Variants in MEIOC observed in about 807,000 individuals in gnomAD.
MEIOC encodes meiosis specific with coiled-coil domain, also known as meiosis-specific coiled-coil domain-containing protein MEIOC.
A neutral mutation model predicts 85.3 loss-of-function variants in MEIOC; 9 were observed. That is an observed-to-expected ratio of 0.11 (90% CI 0.06 to 0.18). MEIOC has a LOEUF of 0.18. MEIOC is among the 10% of genes least tolerant of loss of function. MEIOC has a pLI of 1.00. For missense variants in MEIOC, 898 were observed against 1,129.4 expected, an observed-to-expected ratio of 0.80 and a Z score of 2.94; for synonymous variants, 365 against 393.7, an observed-to-expected ratio of 0.93 and a Z score of 0.86.
At position 44,674,721 on chromosome 17, in the gene MEIOC, A is replaced by G; in HGVS notation, c.*525A>G. The G allele has an allele frequency of 1.0e-6, 1 of 981,342 alleles. No homozygotes were observed. The highest frequency in any genetic ancestry group is 1.1e-4 in the East Asian group (1 of 8,830). 60.8% of individuals were successfully genotyped at this position (981,342 alleles called of 1,614,324 possible). A position where few individuals can be genotyped will look rare whatever the true frequency, so the allele number is the denominator to read the frequency against. The stretch of plus-strand genomic sequence containing the variant: ...GGATAAACCCAATATTCATGTACAA[A>G]CTTAATATTTAAAATACTATACTAC... On this transcript the variant is annotated 3_prime_UTR_variant, in exon 8 of 8. Coordinates refer to ENST00000409122, the MANE Select transcript of MEIOC (RefSeq NM_001145080.3).
rs764075829 is a variant in MEIOC at position 44,667,207 on chromosome 17, T to A, written c.1296T>A (p.Ala432=). The change falls in exon 5 of 8, where the codon GCT becomes GCA. Residue 432 remains alanine (A), a synonymous_variant. Transcript: ENST00000409122. ...TAAAACCTCACACAGCTTGTCCCGC[T>A]AATGATTTTGCTAACGTCACAGAAA... The part of the protein sequence containing the change: ...YGLKPHTACP[A]NDFANVTEKQ... 8 of 1,613,808 alleles carry A rather than the reference T, an allele frequency of 5.0e-6. No individual in the cohort carries two copies. The Admixed American group carries it at 1.3e-4, about 27-fold the overall frequency.
At chr17:44,676,422 T>A (rs1972075407), downstream of MEIOC, among the ~76,000 whole-genome samples, 1 of 152,182 alleles carries the variant, frequency 6.6e-6, no homozygotes, top group African/African-American at 2.4e-5. Context: ...CCTTCTCACT[T>A]GAATAATCTG....
At position 44,656,654 on chromosome 17, in the gene MEIOC, C is replaced by T; in HGVS notation, c.41C>T (p.Pro14Leu). 2 of 1,492,002 alleles carry T rather than the reference C, an allele frequency of 1.3e-6. No homozygotes were observed. Among genetic ancestry groups the T allele is most frequent in the Non-Finnish European group, 1.8e-6 (2 of 1,120,752 alleles). 92.4% of individuals were successfully genotyped at this position (1,492,002 alleles called of 1,614,324 possible). Residue 14 changes from proline to leucine, a missense_variant, in exon 1 of 8, where the codon CCC becomes CTC. Pro to Leu is a moderately conservative substitution (Grantham distance 98). Coordinates refer to ENST00000409122, the MANE Select transcript of MEIOC (RefSeq NM_001145080.3). Reference protein sequence around the residue: ...RRGDTCPRPHPSGLREEGLEP... With the variant: ...RRGDTCPRPHLSGLREEGLEP... ...GGAGACACCTGCCCGCGCCCTCACC[C>T]CTCAGGCCTGAGGGAGGAAGGACTT...
Position 44,657,216 on chromosome 17 carries a change from G to T in MEIOC, c.159G>T (p.Val53=), listed in dbSNP as rs896268901. The T allele has an allele frequency of 6.4e-7, 1 of 1,552,092 alleles. No individual in the cohort carries two copies. Among genetic ancestry groups the T allele is most frequent in the Middle Eastern group, 1.7e-4 (1 of 5,994 alleles). ...GSRLTDVFGS[V]MLTGSASFYD... ...GGTTAACCGACGTCTTCGGCAGCGT[G>T]ATGTTGACTGGCTCCGCTTCCTTCT... is the stretch of plus-strand genomic sequence containing the variant. Residue 53 remains valine (V), a synonymous_variant, in exon 2 of 8, where the codon GTG becomes GTT. Transcript: ENST00000409122.
intron 2 of MEIOC, among the ~76,000 whole-genome samples, chr17:44,658,684 A>G (rs1283047909): frequency 6.6e-6 from 1 of 151,082 alleles, no homozygotes; most frequent in Non-Finnish European, 1.5e-5. Flanking sequence ...AATCCCAGCT[A>G]CTTGGGAGAC....
At chr17:44,673,129 T>C (rs1023612382) in intron 6 of MEIOC, 5 of 396,688 alleles carry the variant, frequency 1.3e-5, no homozygotes, top group Admixed American at 4.3e-5. Context: ...AACATTTTCA[T>C]TGATGCTTAT....
At position 44,665,369 on chromosome 17, in the gene MEIOC, T is replaced by A. The variant is rs1971890623; in HGVS notation, c.360-15T>A. On this transcript the variant is annotated splice_polypyrimidine_tract_variant and intron_variant, in intron 3 of 7. Transcript: ENST00000409122. The stretch of plus-strand genomic sequence containing the variant: ...TCAATATATTGTATTTCAGCACGAA[T>A]TCATTTATTTTTAGGATTCAAACAG... 4 of 1,489,674 alleles carry A rather than the reference T, an allele frequency of 2.7e-6. No homozygotes were observed. The highest frequency in any genetic ancestry group is 1.3e-5 in the South Asian group (1 of 78,808). 92.3% of individuals were successfully genotyped at this position (1,489,674 alleles called of 1,614,324 possible).
chr17:44,675,226 A>G lies in MEIOC; in HGVS notation c.*1030A>G, dbSNP rs1972059823. On this transcript the variant is annotated 3_prime_UTR_variant, in exon 8 of 8. Coordinates refer to ENST00000409122, the MANE Select transcript of MEIOC (RefSeq NM_001145080.3). The stretch of plus-strand genomic sequence containing the variant: ...AGTTTAGCTTGCAATTGGTTAGCCT[A>G]TATTTTGCGTAGTTGTGTTCATTAG... The G allele has an allele frequency of 3.0e-6, 3 of 985,062 alleles. No homozygotes were observed. Among genetic ancestry groups the G allele is most frequent in the Admixed American group, 6.2e-5 (1 of 16,254 alleles). The allele number at this position is 985,062 out of a possible 1,614,324, so 61.0% of individuals were successfully genotyped here. A position where few individuals can be genotyped will look rare whatever the true frequency, so the allele number is the denominator to read the frequency against.
intron 1 of MEIOC, 130 bp from the exon 2 acceptor site, chr17:44,656,997 C>T: frequency 2.7e-6 from 3 of 1,099,884 alleles, no homozygotes; most frequent in Non-Finnish European, 3.7e-6. Flanking sequence ...CGCGGGCCCC[C>T]ACATTCGTGT....
At chr17:44,676,020 C>T (rs1295803772), downstream of MEIOC, 1 of 154,292 alleles carries the variant, frequency 6.5e-6, no homozygotes, top group Non-Finnish European at 1.4e-5. Flanking sequence ...TTATGCTAAT[C>T]CGTGTAAACC....
chr17:44,667,710 T>C lies in MEIOC; in HGVS notation c.1799T>C (p.Ile600Thr), dbSNP rs750960566. Residue 600 changes from isoleucine to threonine, a missense_variant, in exon 5 of 8, where the codon ATT becomes ACT. Coordinates refer to ENST00000409122, the MANE Select transcript of MEIOC (RefSeq NM_001145080.3). ...TATTCAGCTCAGAAGTATGGGATAA[T>C]TGAAAATGTAAACAAACATAATTTT... ...DNYSAQKYGIIENVNKHNFQA... is the reference protein window; with the variant it reads ...DNYSAQKYGITENVNKHNFQA... 1.3e-5 allele frequency: 21 copies of C among 1,613,464 alleles called. No individual in the cohort carries two copies. The highest frequency in any genetic ancestry group is 2.2e-5 in the East Asian group (1 of 44,892).
chr17:44,676,868 C>A, downstream of MEIOC: 1 of 736,124 alleles, frequency 1.4e-6, no homozygotes, highest in Non-Finnish European at 1.7e-6. Flanking sequence ...ACATTTTAGA[C>A]GTAAAGGATT....
intron 7 of MEIOC, 154 bp from the exon 8 acceptor site, chr17:44,673,822 G>C: frequency 1.1e-6 from 1 of 890,722 alleles, no homozygotes; most frequent in Non-Finnish European, 1.7e-6. Context: ...ATATTTTAAT[G>C]ATAAAGGACA....
At chr17:44,658,303 C>G (rs1014468024) in intron 2 of MEIOC, among the ~76,000 whole-genome samples, 2 of 150,430 alleles carry the variant, frequency 1.3e-5, no homozygotes, top group Non-Finnish European at 1.5e-5. Flanking sequence ...TACAGGCACC[C>G]GCCACCACGC....
At position 44,667,718 on chromosome 17, in the gene MEIOC, G is replaced by A. The variant is rs1466580038; in HGVS notation, c.1807G>A (p.Val603Ile). ...TCAGAAGTATGGGATAATTGAAAAT[G>A]TAAACAAACATAATTTTCAAGCCAA... ...SAQKYGIIEN[V>I]NKHNFQAKPQ... The change falls in exon 5 of 8, where the codon GTA (valine) becomes ATA (isoleucine). Residue 603 changes from valine (V) to isoleucine (I), a missense_variant. Transcript: ENST00000409122. The A allele has an allele frequency of 4.3e-6, 7 of 1,613,556 alleles. No individual in the cohort carries two copies. Among genetic ancestry groups the A allele is most frequent in the Non-Finnish European group, 5.9e-6 (7 of 1,179,694 alleles).
Position 44,675,440 on chromosome 17 carries a change from T to A in MEIOC, c.*1244T>A, listed in dbSNP as rs1245675558. On this transcript the variant is annotated 3_prime_UTR_variant, in exon 8 of 8. Coordinates refer to ENST00000409122, the MANE Select transcript of MEIOC (RefSeq NM_001145080.3). Reference sequence around the variant, plus strand: ...CTATAATGTACTGATGAAATTTAATTGAAATATCCTTGACTAGAAACACTG... The same window carrying A: ...CTATAATGTACTGATGAAATTTAATAGAAATATCCTTGACTAGAAACACTG... The A allele has an allele frequency of 2.1e-6, 2 of 972,122 alleles. No individual in the cohort carries two copies. Among genetic ancestry groups the A allele is most frequent in the Non-Finnish European group, 2.4e-6 (2 of 817,942 alleles). The allele number at this position is 972,122 out of a possible 1,614,324, so 60.2% of individuals were successfully genotyped here. A position where few individuals can be genotyped will look rare whatever the true frequency, so the allele number is the denominator to read the frequency against.
chr17:44,668,349 G>A, intron 5 of MEIOC, 116 bp downstream of exon 5: 2 of 1,015,014 alleles, frequency 2.0e-6, no homozygotes, highest in Non-Finnish European at 2.8e-6. Context: ...TTTATTTGTT[G>A]TTGTTTTAAA....
chr17:44,667,566 G>A lies in MEIOC; in HGVS notation c.1655G>A (p.Gly552Asp), dbSNP rs1003002405. 6.2e-7 allele frequency: 1 copy of A among 1,613,826 alleles called. No homozygotes were observed. The highest frequency in any genetic ancestry group is 8.5e-7 in the Non-Finnish European group (1 of 1,179,844). ...AFSSFDFSYS[G>D]AERIQSVNHI... Reference sequence around the variant, plus strand: ...TCTAGTTTTGATTTTAGTTACAGTGGTGCAGAAAGAATCCAATCTGTCAAT... The same window carrying A: ...TCTAGTTTTGATTTTAGTTACAGTGATGCAGAAAGAATCCAATCTGTCAAT... The change falls in exon 5 of 8, where the codon GGT (glycine) becomes GAT (aspartate). Residue 552 changes from glycine to aspartate, a missense_variant. Gly to Asp is a moderately conservative substitution (Grantham distance 94, BLOSUM62 -1). Around this residue, in one of 2 missense-constraint regions of MEIOC, gnomAD observed 734 missense variants for 860.1 expected, o/e 0.85. Coordinates refer to ENST00000409122, the MANE Select transcript of MEIOC (RefSeq NM_001145080.3).
At chr17:44,670,263 A>AG (rs1195842179) in intron 6 of MEIOC, 2 of 3,234 alleles carry the variant, frequency 6.2e-4, no homozygotes, top group Non-Finnish European at 1.3e-3. Flanking sequence ...ATCTTGTCTC[A>AG]AAAAAAAAAA....
Sources: gnomAD v4.1 joint callset for allele counts (sites outside exome capture counted in the v4.1 genomes callset) on GRCh38, gnomAD v4.1.1 for gene constraint, gnomAD v4.1.1 regional missense constraint, MANE v1.5 for transcripts, NCBI Gene and HGNC (gene_info 2026-07-23, HGNC 2026-07-21) for gene names.